Variants in OSBPL11 observed in about 807,000 individuals in gnomAD.
OSBPL11 encodes the protein oxysterol-binding protein-related protein 11.
A neutral mutation model predicts 84.4 loss-of-function variants in OSBPL11; 33 were observed. The ratio of observed to expected loss-of-function variants is 0.39; its 90% CI spans 0.30 to 0.52. The LOEUF (loss-of-function observed/expected upper bound fraction) is 0.52, where lower values mean the gene tolerates loss of function less well. OSBPL11 is among the 20% of genes least tolerant of loss of function. The probability of loss-of-function intolerance (pLI) is 0.72; values close to 1 mark genes in which losing one functional copy is unlikely to be tolerated. For synonymous variants in OSBPL11, 276 were observed against 310.2 expected (o/e 0.89, Z 1.16); for missense variants, 736 against 901.1 (o/e 0.82, Z 2.35).
chr3:125,532,024 A>G lies in OSBPL11; in HGVS notation c.2025-10T>C. 6.3e-7 allele frequency: 1 copy of G among 1,593,320 alleles called. No homozygotes were observed. Among genetic ancestry groups the G allele is most frequent in the Non-Finnish European group, 8.5e-7 (1 of 1,172,730 alleles). ...ATTTTTCCACAATCGCCTGAAATCC[A>G]AAAACCACACATTTTACAAGCATTC... On this transcript the variant is annotated splice_polypyrimidine_tract_variant and intron_variant, in intron 11 of 12. Coordinates refer to ENST00000296220, the MANE Select transcript of OSBPL11 (RefSeq NM_022776.5).
intron 7 of OSBPL11, among the ~76,000 whole-genome samples, chr3:125,562,135 C>T (rs1490933826): frequency 1.3e-5 from 2 of 152,152 alleles, no homozygotes; most frequent in Admixed American, 1.3e-4. Flanking sequence ...CTCATGTACC[C>T]GACTCAATAT....
At chr3:125,564,657 CTTT>C (rs1350380765) in intron 6 of OSBPL11, among the ~76,000 whole-genome samples, 2 of 140,988 alleles carry the variant, frequency 1.4e-5, no homozygotes, top group Middle Eastern at 3.4e-3. Context: ...ATGTATTATC[CTTT>C]TTTTTTTTTT....
chr3:125,567,634 T>TA, intron 5 of OSBPL11, 39 bp from the exon 6 acceptor site: 1 of 1,530,042 alleles, frequency 6.5e-7, no homozygotes, highest in Non-Finnish European at 9.0e-7. Flanking sequence ...ACTCATGATT[T>TA]CTGTAAAACA....
At chr3:125,577,578 A>C (rs2979376) in intron 4 of OSBPL11, among the ~76,000 whole-genome samples, 13,116 of 152,230 alleles carry the variant, frequency 0.086, 1,110 homozygotes, top group African/African-American at 0.22. Flanking sequence ...CTGTAATCCC[A>C]GCACTTTGGG....
At chr3:125,562,247 T>C (rs1257372342) in intron 7 of OSBPL11, among the ~76,000 whole-genome samples, 1 of 152,200 alleles carries the variant, frequency 6.6e-6, no homozygotes, top group Non-Finnish European at 1.5e-5. Context: ...TTAGTGTATA[T>C]GTTGTGACTC....
rs10678056 is a variant in OSBPL11 at position 125,539,300 on chromosome 3, CATATATATATATATATATATATATATAT to C, written c.1842-695_1842-668del. ...AAGTTTAATGAAGAGTCACCACAGCCATATATATATATATATATATATATATATATATATATATATATATAATAGCTAT... is the reference window on the plus strand; with the variant it reads ...AAGTTTAATGAAGAGTCACCACAGCCATATATATATATATATAATAGCTAT... On this transcript the variant is annotated intron_variant, in intron 10 of 12. Coordinates refer to ENST00000296220, the MANE Select transcript of OSBPL11 (RefSeq NM_022776.5). Among the ~76,000 whole-genome samples the C allele has an allele frequency of 9.4e-4, 64 of 67,838 alleles. 2 individuals carry two copies. Among genetic ancestry groups the C allele is most frequent in the East Asian group, 8.4e-3 (20 of 2,388 alleles). 44.5% of individuals were successfully genotyped at this position (67,838 alleles called of 152,430 possible).
intron 8 of OSBPL11, among the ~76,000 whole-genome samples, chr3:125,560,044 G>A (rs919519677): frequency 3.3e-5 from 5 of 151,876 alleles, no homozygotes; most frequent in South Asian, 2.1e-4. Flanking sequence ...GGAGGATCAC[G>A]AGGTCAGGAG....
At chr3:125,569,387 A>AG (rs1459162723) in intron 5 of OSBPL11, among the ~76,000 whole-genome samples, 1 of 152,226 alleles carries the variant, frequency 6.6e-6, no homozygotes, top group Non-Finnish European at 1.5e-5. Flanking sequence ...TACCCATCCC[A>AG]GAAAAAAAGG....
chr3:125,536,132 C>CAA (rs35385096), intron 11 of OSBPL11, among the ~76,000 whole-genome samples: 38 of 102,520 alleles, frequency 3.7e-4, no homozygotes, highest in African/African-American at 1.0e-3. Context: ...GAGTCCATCT[C>CAA]AAAAAAAAAA....
chr3:125,567,800 C>T (rs1936182038), intron 5 of OSBPL11, among the ~76,000 whole-genome samples: 1 of 151,708 alleles, frequency 6.6e-6, no homozygotes, highest in African/African-American at 2.4e-5. Flanking sequence ...CAAGACCAGC[C>T]TAGGCAACAT....
chr3:125,555,530 T>G (rs1353518363), intron 8 of OSBPL11, among the ~76,000 whole-genome samples: 1 of 152,028 alleles, frequency 6.6e-6, no homozygotes, highest in Non-Finnish European at 1.5e-5. Flanking sequence ...ATACAATGGA[T>G]AAAAGAAACC....
chr3:125,547,675 T>C (rs1453002187), intron 9 of OSBPL11, 83 bp from the exon 10 acceptor site: 5 of 1,087,016 alleles, frequency 4.6e-6, no homozygotes, highest in African/African-American at 1.6e-5. Flanking sequence ...TGTTCTTGTC[T>C]AGTAAATAAG....
chr3:125,590,565 T>A (rs1559849845), intron 1 of OSBPL11, among the ~76,000 whole-genome samples: 1 of 150,542 alleles, frequency 6.6e-6, no homozygotes, highest in African/African-American at 2.4e-5. Context: ...AAAAAAAAAA[T>A]TTTTTTTTTC....
chr3:125,531,477 G>T (rs764250052), intron 12 of OSBPL11, among the ~76,000 whole-genome samples: 2 of 150,388 alleles, frequency 1.3e-5, no homozygotes, highest in African/African-American at 4.9e-5. Flanking sequence ...TTTTAGTAGA[G>T]ACTGGGTTTC....
At chr3:125,546,924 T>G (rs945046487) in intron 10 of OSBPL11, among the ~76,000 whole-genome samples, 15 of 152,024 alleles carry the variant, frequency 9.9e-5, no homozygotes, top group Admixed American at 9.2e-4. Context: ...TGCATCAATA[T>G]CATTGACAAT....
At chr3:125,576,435 A>G in intron 4 of OSBPL11, 70 bp from the exon 5 acceptor site, 1 of 1,251,836 alleles carries the variant, frequency 8.0e-7, no homozygotes, top group Non-Finnish European at 1.1e-6. Flanking sequence ...TCAAACTACC[A>G]TACACTTAAG....
chr3:125,583,651 G>A (rs71325858), intron 1 of OSBPL11, among the ~76,000 whole-genome samples: 10,044 of 151,028 alleles, frequency 0.067, 454 homozygotes, highest in Non-Finnish European at 0.098. Context: ...AACACTTTGG[G>A]AGATCAAGAT....
chr3:125,546,403 A>G (rs1190916060), intron 10 of OSBPL11, among the ~76,000 whole-genome samples: 1 of 151,678 alleles, frequency 6.6e-6, no homozygotes, highest in Non-Finnish European at 1.5e-5. Flanking sequence ...GTGCAACCTC[A>G]GCTCACTGCA....
intron 2 of OSBPL11, 94 bp downstream of exon 2, chr3:125,582,816 A>G: frequency 2.1e-6 from 2 of 931,902 alleles, no homozygotes; most frequent in Non-Finnish European, 3.3e-6. Flanking sequence ...TTTCCCAGCC[A>G]TGTCTGTCTA....
Sources: allele counts gnomAD v4.1 joint callset (sites outside exome capture counted in the v4.1 genomes callset), GRCh38; gene constraint gnomAD v4.1.1; transcripts MANE v1.5; gene names NCBI Gene and HGNC (gene_info 2026-07-23, HGNC 2026-07-21).